The following RORB variants were observed in gnomAD, a reference collection of about 807,000 sequenced individuals.
The protein encoded by RORB is nuclear receptor ROR-beta.
Under a neutral mutation model 59.1 loss-of-function variants are expected in RORB, and 6 were observed. The observed-to-expected ratio is 0.10, with a 90% CI of 0.06 to 0.20. The LOEUF (loss-of-function observed/expected upper bound fraction) is 0.20. Ranked by LOEUF, RORB falls within the 10% of genes least tolerant of loss-of-function variation. RORB has a pLI of 1.00. For synonymous variants in RORB, 215 were observed against 204.5 expected (o/e 1.05, Z -0.44); for missense variants, 320 against 560.5 (o/e 0.57, Z 4.33).
At chr9:74,661,856 A>G (rs1282064103) in intron 5 of RORB, among the ~76,000 whole-genome samples, 1 of 151,796 alleles carries the variant, frequency 6.6e-6, no homozygotes, top group Non-Finnish European at 1.5e-5. Context: ...CATGTTAGCC[A>G]GGATGGTGTC....
intron 1 of RORB, among the ~76,000 whole-genome samples, chr9:74,611,063 C>G (rs1823225166): frequency 6.6e-6 from 1 of 152,158 alleles, no homozygotes; most frequent in Non-Finnish European, 1.5e-5. Context: ...GGTTGGAGAA[C>G]TTTTCTGTCC....
intron 1 of RORB, among the ~76,000 whole-genome samples, chr9:74,553,295 T>G (rs75075254): frequency 0.032 from 4,920 of 152,330 alleles, 116 homozygotes; most frequent in Non-Finnish European, 0.051. Flanking sequence ...ATTTTGGTTC[T>G]GTTTCAGGAA....
chr9:74,565,392 C>T lies in RORB; in HGVS notation c.8-64890C>T, dbSNP rs118186638. On this transcript the variant is annotated intron_variant, in intron 1 of 9. Transcript: ENST00000376896. ...GTAGGAGAACAATGAATCTTTGAGA[C>T]ATATTCACTTCAAAATCAATATGTT... 9.3e-4 allele frequency among the ~76,000 whole-genome samples: 141 copies of T among 152,234 alleles called. 3 individuals carry two copies. In the East Asian group the frequency reaches 0.024, roughly 26 times the overall value.
At chr9:74,574,638 A>G (rs1822602982) in intron 1 of RORB, among the ~76,000 whole-genome samples, 1 of 152,110 alleles carries the variant, frequency 6.6e-6, no homozygotes, top group African/African-American at 2.4e-5. Context: ...CAGAGTCAGA[A>G]TTGGGCACAG....
intron 1 of RORB, among the ~76,000 whole-genome samples, chr9:74,587,855 G>A (rs181336481): frequency 6.6e-6 from 1 of 152,334 alleles, no homozygotes; most frequent in East Asian, 1.9e-4. Context: ...TTTAAAGGCA[G>A]AGTGGGAGGC....
chr9:74,609,485 A>T (rs1823201741), intron 1 of RORB, among the ~76,000 whole-genome samples: 1 of 152,192 alleles, frequency 6.6e-6, no homozygotes, highest in Non-Finnish European at 1.5e-5. Flanking sequence ...CTCCAGAAGG[A>T]TACATGAGTT....
chr9:74,563,042 A>G (rs111908737), intron 1 of RORB, among the ~76,000 whole-genome samples: 23 of 152,312 alleles, frequency 1.5e-4, no homozygotes, highest in African/African-American at 5.3e-4. Context: ...ATTAACAATG[A>G]TATGTTGCCA....
intron 1 of RORB, among the ~76,000 whole-genome samples, chr9:74,567,878 G>A (rs897128804): frequency 3.9e-5 from 6 of 152,174 alleles, no homozygotes; most frequent in African/African-American, 4.8e-5. Context: ...ACATTTTGAC[G>A]AATTCCAGAG....
At chr9:74,551,570 T>G (rs1196329842) in intron 1 of RORB, among the ~76,000 whole-genome samples, 1 of 152,226 alleles carries the variant, frequency 6.6e-6, no homozygotes, top group Non-Finnish European at 1.5e-5. Context: ...TATTTAATGT[T>G]TTTGGACCAA....
intron 1 of RORB, among the ~76,000 whole-genome samples, chr9:74,576,695 T>C (rs968102450): frequency 2.6e-5 from 4 of 152,084 alleles, no homozygotes; most frequent in African/African-American, 9.7e-5. Flanking sequence ...GGGAAAGCAA[T>C]TGGTGGGCTT....
intron 1 of RORB, among the ~76,000 whole-genome samples, chr9:74,588,704 T>C (rs1822843176): frequency 6.6e-6 from 1 of 152,218 alleles, no homozygotes; most frequent in Admixed American, 6.5e-5. Flanking sequence ...GTACATGAAA[T>C]AGTATATTCA....
At chr9:74,520,546 C>T (rs1293498605) in intron 1 of RORB, among the ~76,000 whole-genome samples, 1 of 151,850 alleles carries the variant, frequency 6.6e-6, no homozygotes, top group Non-Finnish European at 1.5e-5. Context: ...CAATAAATAT[C>T]AAATCTACTA....
At chr9:74,499,229 G>A (rs1434710590) in intron 1 of RORB, 1 of 152,588 alleles carries the variant, frequency 6.6e-6, no homozygotes, top group East Asian at 1.9e-4. Flanking sequence ...CAGACCCGGA[G>A]AGAGGTGGTC....
At chr9:74,651,261 G>A (rs1407938343) in intron 4 of RORB, among the ~76,000 whole-genome samples, 1 of 152,126 alleles carries the variant, frequency 6.6e-6, no homozygotes, top group African/African-American at 2.4e-5. Context: ...TCAGCCAGGC[G>A]CAGTGGCTCA....
At chr9:74,605,587 C>T (rs1823137001) in intron 1 of RORB, among the ~76,000 whole-genome samples, 2 of 152,208 alleles carry the variant, frequency 1.3e-5, no homozygotes, top group Admixed American at 1.3e-4. Flanking sequence ...TGGCAAAGAT[C>T]ACCTAGCCCT....
At chr9:74,579,083 T>C (rs899235952) in intron 1 of RORB, among the ~76,000 whole-genome samples, 2 of 152,170 alleles carry the variant, frequency 1.3e-5, no homozygotes, top group Non-Finnish European at 2.9e-5. Flanking sequence ...CATTAAATTA[T>C]ATTTTTGAGA....
Position 74,518,367 on chromosome 9 carries a change from C to T in RORB, c.7+20384C>T, listed in dbSNP as rs576343078. On this transcript the variant is annotated intron_variant, in intron 1 of 9. Coordinates refer to ENST00000376896, the MANE Select transcript of RORB (RefSeq NM_006914.4). ...AAAAATTGCCACCAATGACCACACACTGCAACTGACCCTAAGACAACCTGA... is the reference window on the plus strand; with the variant it reads ...AAAAATTGCCACCAATGACCACACATTGCAACTGACCCTAAGACAACCTGA... Among the ~76,000 whole-genome samples, 26 of 152,140 alleles carry T rather than the reference C, an allele frequency of 1.7e-4. No homozygotes were observed. The South Asian group carries it at 5.4e-3, about 32-fold the overall frequency.
At chr9:74,629,905 T>A (rs567781437) in intron 1 of RORB, among the ~76,000 whole-genome samples, 1 of 152,186 alleles carries the variant, frequency 6.6e-6, no homozygotes, top group Admixed American at 6.6e-5. Context: ...ATGTGAAAGA[T>A]CTCAGTAACT....
intron 1 of RORB, among the ~76,000 whole-genome samples, chr9:74,590,199 C>T (rs752183958): frequency 1.3e-5 from 2 of 152,066 alleles, no homozygotes; most frequent in Non-Finnish European, 2.9e-5. Context: ...GTACTAAGAC[C>T]TCTAGGAGTA....
Sources: gnomAD v4.1 joint callset for allele counts (sites outside exome capture counted in the v4.1 genomes callset) on GRCh38, gnomAD v4.1.1 for gene constraint, MANE v1.5 for transcripts, NCBI Gene and HGNC (gene_info 2026-07-23, HGNC 2026-07-21) for gene names.